MYLK2: variants seen among roughly 807,000 people sequenced by gnomAD.
The protein encoded by MYLK2 is myosin light chain kinase 2, also known as myosin light chain kinase 2, skeletal/cardiac muscle.
A neutral mutation model predicts 58.2 loss-of-function variants in MYLK2; 27 were observed. The observed-to-expected ratio is 0.46, with a 90% confidence interval of 0.34 to 0.64. MYLK2 has a LOEUF of 0.64. MYLK2 is among the 30% of genes least tolerant of loss of function. MYLK2 has a pLI of 0.01. For missense variants in MYLK2, 676 were observed against 764.3 expected, an observed-to-expected ratio of 0.88 and a Z score of 1.36; for synonymous variants, 310 against 296.7, an observed-to-expected ratio of 1.04 and a Z score of -0.46.
At chr20:31,829,771 A>G (rs993740058) in intron 8 of MYLK2, among the ~76,000 whole-genome samples, 8 of 152,232 alleles carry the variant, frequency 5.3e-5, no homozygotes, top group Non-Finnish European at 1.0e-4. Flanking sequence ...CCTTTGAACC[A>G]TTGTTAACTT....
intron 8 of MYLK2, among the ~76,000 whole-genome samples, chr20:31,829,910 C>A (rs536261989): frequency 1.3e-5 from 2 of 152,330 alleles, no homozygotes; most frequent in African/African-American, 4.8e-5. Context: ...CTTGGCTGAG[C>A]CCCTACTGGG....
chr20:31,832,274 T>G lies in MYLK2; in HGVS notation c.1710+138T>G, dbSNP rs2062311046. 6 of 1,288,582 alleles carry G rather than the reference T, an allele frequency of 4.7e-6. No homozygotes were observed. The Admixed American group carries it at 1.2e-4, about 26-fold the overall frequency. The allele number at this position is 1,288,582 out of a possible 1,614,324, so 79.8% of individuals were successfully genotyped here. Reference sequence around the variant, plus strand: ...CCCTGTCCGGAAGACAGGGTTGACTTTTCTGTTTTTGCCCTGGGCTGGCTC... The same window carrying G: ...CCCTGTCCGGAAGACAGGGTTGACTGTTCTGTTTTTGCCCTGGGCTGGCTC... On this transcript the variant is annotated intron_variant, in intron 12 of 12. Coordinates refer to ENST00000375985, the MANE Select transcript of MYLK2 (RefSeq NM_033118.4).
rs562614823 is a variant in MYLK2 at position 31,826,980 on chromosome 20, C to T, written c.1224+42C>T. 6.8e-6 allele frequency: 11 copies of T among 1,613,196 alleles called. No individual in the cohort carries two copies. In the East Asian group the frequency reaches 2.5e-4, roughly 36 times the overall value. ...TCCTGGGAAGGGTCAGGGGCAGCCT[C>T]CGACCCCCTGAGATCAGTGCTGTCA... On this transcript the variant is annotated intron_variant, in intron 8 of 12. Coordinates refer to ENST00000375985, the MANE Select transcript of MYLK2 (RefSeq NM_033118.4).
At chr20:31,827,212 T>C (rs2062285461) in intron 8 of MYLK2, 5 of 985,306 alleles carry the variant, frequency 5.1e-6, no homozygotes, top group Middle Eastern at 5.2e-4. Context: ...AAAGGGCCTT[T>C]TGCAGTCCTG....
chr20:31,826,206 A>T (rs1419394604), intron 6 of MYLK2, among the ~76,000 whole-genome samples: 1 of 152,234 alleles, frequency 6.6e-6, no homozygotes, highest in African/African-American at 2.4e-5. Flanking sequence ...TAAGGCAAGT[A>T]GACAGTTGGA....
chr20:31,823,385 A>T, intron 4 of MYLK2, 92 bp from the exon 5 acceptor site: 1 of 1,207,486 alleles, frequency 8.3e-7, no homozygotes, highest in Non-Finnish European at 1.2e-6. Context: ...TAACTTCCCT[A>T]GATGGGGCCC....
chr20:31,826,605 G>A lies in MYLK2; in HGVS notation c.973G>A (p.Glu325Lys), dbSNP rs1442940292. ...VIKKQTPKDK[E>K]MVLLEIEVMN... Reference sequence around the variant, plus strand: ...TACCCTTGACTTCCCTGGTCCCCAGGAAATGGTGTTGCTGGAGATTGAGGT... The same window carrying A: ...TACCCTTGACTTCCCTGGTCCCCAGAAAATGGTGTTGCTGGAGATTGAGGT... Residue 325 changes from glutamate (E) to lysine (K), a missense_variant and splice_region_variant, in exon 7 of 13, where the codon GAA becomes AAA. Physicochemically the swap from Glu to Lys is moderately conservative, Grantham distance 56. Around this residue, in one of 2 missense-constraint regions of MYLK2, gnomAD observed 370 missense variants for 467.8 expected, o/e 0.79. Transcript: ENST00000375985. The A allele has an allele frequency of 6.2e-7, 1 of 1,614,082 alleles. No homozygotes were observed. Among genetic ancestry groups the A allele is most frequent in the Non-Finnish European group, 8.5e-7 (1 of 1,180,010 alleles).
chr20:31,830,609 G>A (rs2062301243), intron 8 of MYLK2, among the ~76,000 whole-genome samples: 1 of 152,270 alleles, frequency 6.6e-6, no homozygotes, highest in Admixed American at 6.5e-5. Flanking sequence ...GGCAGGTCCT[G>A]TGCTTCAAGG....
intron 6 of MYLK2, among the ~76,000 whole-genome samples, chr20:31,826,183 T>TA (rs2062278384): frequency 6.6e-6 from 1 of 152,152 alleles, no homozygotes; most frequent in Admixed American, 6.5e-5. Context: ...ATTTGAGATG[T>TA]CTATTAGACA....
At chr20:31,828,228 C>G in intron 8 of MYLK2, 1 of 985,356 alleles carries the variant, frequency 1.0e-6, no homozygotes, top group African/African-American at 1.7e-5. Context: ...AGTCAGTTGT[C>G]CGTAGCTGTC....
chr20:31,824,205 A>G, intron 5 of MYLK2, 54 bp from the exon 6 acceptor site: 13 of 1,584,956 alleles, frequency 8.2e-6, no homozygotes, highest in Non-Finnish European at 1.0e-5. Flanking sequence ...AAAGGATGCC[A>G]CTGACCCCGG....
Position 31,826,946 on chromosome 20 carries a change from A to G in MYLK2, c.1224+8A>G. ...TTGCACCTGGACCTCAAGGTACCAGACTGGGGCCTCCTGGGAAGGGTCAGG... is the reference window on the plus strand; with the variant it reads ...TTGCACCTGGACCTCAAGGTACCAGGCTGGGGCCTCCTGGGAAGGGTCAGG... On this transcript the variant is annotated splice_region_variant and intron_variant, in intron 8 of 12. Transcript: ENST00000375985. 1 of 1,614,012 alleles carries G rather than the reference A, an allele frequency of 6.2e-7. No individual in the cohort carries two copies. The highest frequency in any genetic ancestry group is 2.2e-5 in the East Asian group (1 of 44,874).
intron 8 of MYLK2, chr20:31,828,267 G>A: frequency 3.0e-6 from 3 of 985,216 alleles, no homozygotes; most frequent in Non-Finnish European, 3.6e-6. Context: ...TCTGGGTGTG[G>A]AGCAGGGAAG....
Position 31,820,271 on chromosome 20 carries a change from G to T in MYLK2, c.198G>T (p.Leu66=). ...CCTCAGAGAAAGGGGATGGTACCCT[G>T]GCCCAACCCTCAACTAGCAGCCAAG... is the stretch of plus-strand genomic sequence containing the variant. ...APASEKGDGT[L]AQPSTSSQGP... is the part of the protein sequence containing the mutation. Residue 66 remains leucine, a synonymous_variant, in exon 3 of 13, where the codon CTG becomes CTT. Coordinates refer to ENST00000375985, the MANE Select transcript of MYLK2 (RefSeq NM_033118.4). The T allele has an allele frequency of 1.2e-6, 2 of 1,613,894 alleles. No individual in the cohort carries two copies. The highest frequency in any genetic ancestry group is 1.7e-6 in the Non-Finnish European group (2 of 1,180,008).
In MYLK2 at chr20:31,826,806, C is replaced by T. The variant is rs745574239; in HGVS notation, c.1092C>T (p.Gly364=). The change falls in exon 8 of 13, where the codon GGC becomes GGT. Residue 364 remains glycine, a synonymous_variant. Transcript: ENST00000375985. ...EIVLFMEYIE[G]GELFERIVDE... ...GGGTCTGTGCACACAGCATCGAGGGCGGAGAGCTCTTCGAGAGGATTGTGG... is the reference window on the plus strand; with the variant it reads ...GGGTCTGTGCACACAGCATCGAGGGTGGAGAGCTCTTCGAGAGGATTGTGG... The T allele has an allele frequency of 1.1e-5, 17 of 1,613,894 alleles. No homozygotes were observed. The Admixed American group carries it at 1.2e-4, about 11-fold the overall frequency.
intron 6 of MYLK2, among the ~76,000 whole-genome samples, chr20:31,826,316 A>G (rs1387004245): frequency 6.6e-6 from 1 of 152,186 alleles, no homozygotes; most frequent in Non-Finnish European, 1.5e-5. Context: ...GACTTTATGC[A>G]GATGCCCAGG....
chr20:31,824,784 A>C (rs1404427001), intron 6 of MYLK2, among the ~76,000 whole-genome samples: 1 of 152,190 alleles, frequency 6.6e-6, no homozygotes, highest in African/African-American at 2.4e-5. Flanking sequence ...CTGGGTTCAG[A>C]GGAGGCCACG....
rs774114072 is a variant in MYLK2 at position 31,820,446 on chromosome 20, A to G, written c.373A>G (p.Lys125Glu). 1.5e-5 allele frequency: 24 copies of G among 1,612,610 alleles called. No individual in the cohort carries two copies. Among genetic ancestry groups the G allele is most frequent in the Admixed American group, 3.3e-5 (2 of 60,030 alleles). Residue 125 changes from lysine (K) to glutamate (E), a missense_variant, in exon 3 of 13, where the codon AAG becomes GAG. Around this residue, in one of 2 missense-constraint regions of MYLK2, gnomAD observed 306 missense variants for 296.5 expected, o/e 1.03. Coordinates refer to ENST00000375985, the MANE Select transcript of MYLK2 (RefSeq NM_033118.4). ...AGCCTCAGGCAGCCAGGATCCTGGA[A>G]AGCCCAGGGTGGGCAAGAAGGCAGC... is the stretch of plus-strand genomic sequence containing the variant. ...QGASGSQDPGKPRVGKKAAEG... is the reference protein window; with the variant it reads ...QGASGSQDPGEPRVGKKAAEG...
chr20:31,823,700 G>A (rs933189784), intron 5 of MYLK2, 118 bp downstream of exon 5: 14 of 1,034,776 alleles, frequency 1.4e-5, no homozygotes, highest in Non-Finnish European at 2.1e-5. Context: ...TGGCCACATG[G>A]ACATGTTCAC....
Sources: allele counts gnomAD v4.1 joint callset (sites outside exome capture counted in the v4.1 genomes callset), GRCh38; gene constraint gnomAD v4.1.1; regional missense constraint gnomAD v4.1.1; transcripts MANE v1.5; gene names NCBI Gene and HGNC (gene_info 2026-07-23, HGNC 2026-07-21).